SPMAP2L: variants seen among roughly 807,000 people sequenced by gnomAD.
SPMAP2L encodes sperm microtubule associated protein 2 like.
At chr4:56,623,706 C>A in the SPMAP2L span, among the ~76,000 whole-genome samples, 1 of 152,108 alleles carries the variant, frequency 6.6e-6, no homozygotes, top group South Asian at 2.1e-4. Context: ...GGGGTCTCCA[C>A]TTTTCCTTCC....
the SPMAP2L span, among the ~76,000 whole-genome samples, chr4:56,568,611 G>C: frequency 1.3e-5 from 2 of 152,138 alleles, no homozygotes; most frequent in African/African-American, 4.8e-5. Flanking sequence ...AGGATCGCCT[G>C]CACTCAGGAG....
chr4:56,593,552 T>C, the SPMAP2L span: 6 of 1,601,270 alleles, frequency 3.7e-6, no homozygotes, highest in Non-Finnish European at 5.1e-6. Context: ...CCTTTTAGCT[T>C]TGTGCATCTT....
chr4:56,575,671 C>G, the SPMAP2L span: 2 of 1,529,358 alleles, frequency 1.3e-6, no homozygotes, highest in Non-Finnish European at 1.7e-6. Flanking sequence ...CTCTGTAAAT[C>G]CTAATCTAAT....
chr4:56,549,530 G>A, the SPMAP2L span, among the ~76,000 whole-genome samples: 16 of 152,306 alleles, frequency 1.1e-4, no homozygotes, highest in South Asian at 2.5e-3. Context: ...ATGTGTACAT[G>A]TGCATATAAT....
At chr4:56,548,508 A>G in the SPMAP2L span, among the ~76,000 whole-genome samples, 1 of 152,128 alleles carries the variant, frequency 6.6e-6, no homozygotes, top group East Asian at 1.9e-4. Flanking sequence ...ATTTTAATCT[A>G]TTTATATTGT....
chr4:56,550,707 T>G, the SPMAP2L span, among the ~76,000 whole-genome samples: 1 of 152,224 alleles, frequency 6.6e-6, no homozygotes, highest in African/African-American at 2.4e-5. Flanking sequence ...TCTTACTGCT[T>G]CTTGTTTCTC....
chr4:56,559,391 G>T, the SPMAP2L span: 1 of 1,485,584 alleles, frequency 6.7e-7, no homozygotes, highest in South Asian at 1.3e-5. Flanking sequence ...CTTCTTAACA[G>T]AAAACTGTTT....
At chr4:56,533,707 A>T in the SPMAP2L span, among the ~76,000 whole-genome samples, 8 of 151,706 alleles carry the variant, frequency 5.3e-5, no homozygotes, top group South Asian at 1.7e-3. Flanking sequence ...CAGCACTTTG[A>T]GAGGCCGAGG....
At chr4:56,557,791 T>C in the SPMAP2L span, 2 of 152,204 alleles carry the variant, frequency 1.3e-5, no homozygotes, top group Non-Finnish European at 2.9e-5. Flanking sequence ...GGTCAAGTCC[T>C]GGATATGGAC....
chr4:56,577,126 G>C, the SPMAP2L span, among the ~76,000 whole-genome samples: 44,879 of 151,526 alleles, frequency 0.3, 9,492 homozygotes, highest in African/African-American at 0.59. Context: ...AAGGATTGGC[G>C]AGGTGTGGTG....
the SPMAP2L span, among the ~76,000 whole-genome samples, chr4:56,554,419 T>G: frequency 2.6e-5 from 4 of 152,230 alleles, no homozygotes; most frequent in African/African-American, 9.6e-5. Context: ...AATTTGCAAT[T>G]CTCTAATGAA....
the SPMAP2L span, among the ~76,000 whole-genome samples, chr4:56,582,737 C>T: frequency 1.2e-3 from 186 of 152,198 alleles, no homozygotes; most frequent in African/African-American, 3.3e-3. Flanking sequence ...TAATTAAAAA[C>T]GTAAATTCAC....
At chr4:56,546,292 C>T in the SPMAP2L span, among the ~76,000 whole-genome samples, 1 of 152,198 alleles carries the variant, frequency 6.6e-6, no homozygotes, top group South Asian at 2.1e-4. Context: ...CCTAAATAAA[C>T]TTGCCTTAGA....
the SPMAP2L span, among the ~76,000 whole-genome samples, chr4:56,560,314 G>A: frequency 6.6e-6 from 1 of 152,112 alleles, no homozygotes; most frequent in Non-Finnish European, 1.5e-5. Context: ...GATACTCTCC[G>A]TCCTGGCTTC....
At chr4:56,598,137 A>G in the SPMAP2L span, among the ~76,000 whole-genome samples, 1 of 152,234 alleles carries the variant, frequency 6.6e-6, no homozygotes, top group Admixed American at 6.5e-5. Context: ...AGCTAGGATT[A>G]TAGGTGTGAG....
the SPMAP2L span, among the ~76,000 whole-genome samples, chr4:56,535,837 G>C: frequency 5.3e-5 from 8 of 152,264 alleles, no homozygotes; most frequent in Admixed American, 5.2e-4. Flanking sequence ...CCTCAGGCAG[G>C]GTTCTCACCT....
chr4:56,603,732 GA>G, the SPMAP2L span, among the ~76,000 whole-genome samples: 1 of 152,140 alleles, frequency 6.6e-6, no homozygotes, highest in Non-Finnish European at 1.5e-5. Flanking sequence ...TAAGTCCTGG[GA>G]AATGAAATCA....
At chr4:56,598,541 T>C in the SPMAP2L span, among the ~76,000 whole-genome samples, 1 of 151,992 alleles carries the variant, frequency 6.6e-6, no homozygotes. Flanking sequence ...GAATGTGATG[T>C]ATGAGTCTAG....
At chr4:56,587,435 C>T in the SPMAP2L span, among the ~76,000 whole-genome samples, 1,025 of 152,178 alleles carry the variant, frequency 6.7e-3, 12 homozygotes, top group African/African-American at 0.023. Context: ...GTCTACACAG[C>T]ACCATATTTG....
Sources: gnomAD v4.1 joint callset for allele counts (sites outside exome capture counted in the v4.1 genomes callset) on GRCh38, gnomAD v4.1.1 for gene constraint, MANE v1.5 for transcripts, NCBI Gene and HGNC (gene_info 2026-07-23, HGNC 2026-07-21) for gene names.